The following C3orf52 variants were observed in gnomAD, a reference collection of about 807,000 sequenced individuals.
C3orf52 encodes the protein TPA-induced transmembrane protein.
In C3orf52, 22 loss-of-function variants were observed where a neutral mutation model predicts 24.8. That is an observed-to-expected ratio of 0.89 (90% CI 0.63 to 1.27). C3orf52 has a LOEUF of 1.27. C3orf52 is among the 50% of genes most tolerant of loss of function. C3orf52 has a pLI of 0.00. For synonymous variants in C3orf52, 93 were observed against 100.2 expected (o/e 0.93, Z 0.43); for missense variants, 265 against 260.7 (o/e 1.02, Z -0.11).
At chr3:112,132,848 T>G, downstream of C3orf52, 1 of 476,706 alleles carries the variant, frequency 2.1e-6, no homozygotes, top group Non-Finnish European at 3.5e-6. Context: ...CTTGGTAAAG[T>G]CTTTCCACCT....
chr3:112,119,374 A>G, downstream of C3orf52: 2 of 584,848 alleles, frequency 3.4e-6, 1 homozygote, highest in East Asian at 6.4e-5. Context: ...AAACTCCATA[A>G]CAAACAAACA....
chr3:112,132,829 T>C (rs995508124), downstream of C3orf52: 52 of 439,240 alleles, frequency 1.2e-4, no homozygotes, highest in African/African-American at 1.1e-3. Context: ...ACCTATTATA[T>C]AGACCTTCCT....
intron 3 of C3orf52, among the ~76,000 whole-genome samples, chr3:112,104,327 A>G (rs1450513907): frequency 6.6e-6 from 1 of 152,226 alleles, no homozygotes; most frequent in African/African-American, 2.4e-5. Flanking sequence ...AGCCAGACCC[A>G]GAAATTTTGA....
intron 4 of C3orf52, 69 bp downstream of exon 4, chr3:112,109,682 C>A: frequency 1.1e-6 from 1 of 929,968 alleles, no homozygotes; most frequent in East Asian, 2.6e-5. Context: ...CACCCTTCGT[C>A]ATTTACCTAG....
downstream of C3orf52, chr3:112,133,088 T>C (rs750791995): frequency 6.2e-7 from 1 of 1,613,594 alleles, no homozygotes; most frequent in Non-Finnish European, 8.5e-7. Flanking sequence ...GAGTCTAGAC[T>C]TACCTGTTTT....
At chr3:112,087,365 C>T (rs1286640828) in intron 1 of C3orf52, among the ~76,000 whole-genome samples, 1 of 152,186 alleles carries the variant, frequency 6.6e-6, no homozygotes, top group African/African-American at 2.4e-5. Flanking sequence ...ACATTATTCA[C>T]TCTCATCAAA....
downstream of C3orf52, chr3:112,130,563 G>T: frequency 6.6e-7 from 1 of 1,508,042 alleles, no homozygotes; most frequent in Non-Finnish European, 9.2e-7. Context: ...AAACAGGCCT[G>T]TCACTTCTTT....
At chr3:112,101,845 G>A (rs2073974471) in intron 2 of C3orf52, among the ~76,000 whole-genome samples, 1 of 152,172 alleles carries the variant, frequency 6.6e-6, no homozygotes, top group African/African-American at 2.4e-5. Flanking sequence ...TCTCCTGTGT[G>A]GGACCAGCTG....
chr3:112,110,394 C>T (rs1054941726), intron 4 of C3orf52, among the ~76,000 whole-genome samples: 4 of 151,784 alleles, frequency 2.6e-5, no homozygotes, highest in Admixed American at 2.0e-4. Context: ...AAAAGTCTCC[C>T]TTCTGCCTCC....
intron 1 of C3orf52, among the ~76,000 whole-genome samples, chr3:112,089,567 C>G (rs558105658): frequency 1.1e-3 from 167 of 150,696 alleles, no homozygotes; most frequent in African/African-American, 3.6e-3. Flanking sequence ...TTTCAATGAG[C>G]TAGCTAAAAA....
Position 112,116,933 on chromosome 3 carries a change from G to A in C3orf52, c.*287G>A. 2.0e-6 allele frequency: 3 copies of A among 1,533,910 alleles called. No homozygotes were observed. The highest frequency in any genetic ancestry group is 2.6e-6 in the Non-Finnish European group (3 of 1,144,550). ...TATGTCCCACTGTTGGAGGTCACTG[G>A]TATTCTGTTTGTTTTTGTTTTGTTT... is the stretch of plus-strand genomic sequence containing the variant. On this transcript the variant is annotated 3_prime_UTR_variant, in exon 6 of 6. Transcript: ENST00000264848.
At chr3:112,124,328 G>T (rs879683351) in intron 4 of C3orf52, among the ~76,000 whole-genome samples, 5 of 152,260 alleles carry the variant, frequency 3.3e-5, no homozygotes, top group East Asian at 3.9e-4. Context: ...GAATAATCTG[G>T]CTGGGCACGG....
chr3:112,091,498 G>A (rs1220604978), intron 1 of C3orf52, among the ~76,000 whole-genome samples: 2 of 152,154 alleles, frequency 1.3e-5, no homozygotes, highest in African/African-American at 2.4e-5. Context: ...AAGGTGGGAG[G>A]CCTCAGACCA....
chr3:112,108,727 G>A (rs1229339646), intron 3 of C3orf52, among the ~76,000 whole-genome samples: 1 of 152,164 alleles, frequency 6.6e-6, no homozygotes, highest in Non-Finnish European at 1.5e-5. Context: ...AGAAGATTAT[G>A]TAGAATATGG....
intron 3 of C3orf52, among the ~76,000 whole-genome samples, chr3:112,106,352 C>A (rs1187901488): frequency 6.6e-6 from 1 of 152,132 alleles, no homozygotes; most frequent in Admixed American, 6.5e-5. Flanking sequence ...CTCAGTCTCC[C>A]GAGTAGCTGG....
chr3:112,125,854 G>A (rs1020820687), intron 4 of C3orf52, among the ~76,000 whole-genome samples: 1 of 152,204 alleles, frequency 6.6e-6, no homozygotes, highest in African/African-American at 2.4e-5. Flanking sequence ...TGAGCAGGGC[G>A]ATTTTTCAAA....
At chr3:112,115,755 G>T (rs745848240) in intron 5 of C3orf52, among the ~76,000 whole-genome samples, 56 of 152,238 alleles carry the variant, frequency 3.7e-4, no homozygotes, top group Admixed American at 9.2e-4. Flanking sequence ...GGGGTTTTGT[G>T]TGTGTTTGCT....
At chr3:112,114,278 T>G (rs2074113933) in intron 5 of C3orf52, among the ~76,000 whole-genome samples, 1 of 152,120 alleles carries the variant, frequency 6.6e-6, no homozygotes, top group Non-Finnish European at 1.5e-5. Flanking sequence ...AGGCCAAATT[T>G]TAGCTCACTG....
chr3:112,118,701 G>C (rs1298338137), downstream of C3orf52, among the ~76,000 whole-genome samples: 1 of 152,140 alleles, frequency 6.6e-6, no homozygotes, highest in East Asian at 1.9e-4. Context: ...GCACTGTTCT[G>C]CTATAGGAGA....
Sources: allele counts gnomAD v4.1 joint callset (sites outside exome capture counted in the v4.1 genomes callset), GRCh38; gene constraint gnomAD v4.1.1; transcripts MANE v1.5; gene names NCBI Gene and HGNC (gene_info 2026-07-23, HGNC 2026-07-21).